PRKG1: variants seen among roughly 807,000 people sequenced by gnomAD.
PRKG1 encodes cGMP-dependent protein kinase 1.
A neutral mutation model predicts 88.1 loss-of-function variants in PRKG1; 35 were observed. The ratio of observed to expected loss-of-function variants is 0.40; its 90% confidence interval spans 0.30 to 0.53. The LOEUF (loss-of-function observed/expected upper bound fraction) is 0.53. Ranked by LOEUF, PRKG1 falls within the 20% of genes least tolerant of loss-of-function variation. The probability of loss-of-function intolerance (pLI) is 0.59; values close to 1 mark genes in which losing one functional copy is unlikely to be tolerated. For synonymous variants in PRKG1, 303 were observed against 292.5 expected, an observed-to-expected ratio of 1.04 and a Z score of -0.37; for missense variants, 540 against 839.8, an observed-to-expected ratio of 0.64 and a Z score of 4.41.
chr10:51,647,127 G>C (rs1027419416), intron 3 of PRKG1, among the ~76,000 whole-genome samples: 2 of 147,172 alleles, frequency 1.4e-5, no homozygotes, highest in Non-Finnish European at 3.0e-5. Flanking sequence ...TTGTTGGAGA[G>C]CCAGTGAGTT....
rs114292625 is a variant in PRKG1, at chr10:51,090,478, T to C, written c.311+15577T>C. Among the ~76,000 whole-genome samples, 335 of 152,242 alleles carry C rather than the reference T, an allele frequency of 2.2e-3. 1 individual carries two copies. Among genetic ancestry groups the C allele is most frequent in the African/African-American group, 7.6e-3 (315 of 41,538 alleles). The stretch of plus-strand genomic sequence containing the variant: ...CATAGGCAAGTGTGAAGTTCCATAA[T>C]AATGTTATTTATTTTATTCAATGAG... On this transcript the variant is annotated intron_variant, in intron 1 of 17. Coordinates refer to ENST00000373980, the MANE Select transcript of PRKG1 (RefSeq NM_006258.4).
At chr10:52,177,581 A>G (rs1838899325) in intron 9 of PRKG1, among the ~76,000 whole-genome samples, 1 of 152,084 alleles carries the variant, frequency 6.6e-6, no homozygotes, top group African/African-American at 2.4e-5. Flanking sequence ...AATTGATAAT[A>G]AATCTTTAAA....
intron 3 of PRKG1, among the ~76,000 whole-genome samples, chr10:51,562,913 T>G (rs1436551418): frequency 6.6e-6 from 1 of 151,710 alleles, no homozygotes. Flanking sequence ...AGACTACAGG[T>G]GCATGCCACC....
In PRKG1 at chr10:51,370,512, ATG is replaced by A. The variant is rs34743767; in HGVS notation, c.479-97191_479-97190del. On this transcript the variant is annotated intron_variant, in intron 2 of 17. Transcript: ENST00000373980. ...AGAGAGAGAGTGTGTGTGTGTGTGT[ATG>A]TGTGTGTGTGTGTGTGTGTAAGGAA... Among the ~76,000 whole-genome samples the A allele has an allele frequency of 3.5e-4, 52 of 146,832 alleles. No homozygotes were observed. In the South Asian group the frequency reaches 3.7e-3, roughly 10 times the overall value.
At chr10:52,059,973 C>T (rs750186222) in intron 6 of PRKG1, among the ~76,000 whole-genome samples, 3 of 151,776 alleles carry the variant, frequency 2.0e-5, no homozygotes, top group South Asian at 4.1e-4. Context: ...AAAACACCAA[C>T]ATGGCAGAAC....
chr10:51,233,589 T>C (rs1838904979), intron 2 of PRKG1, among the ~76,000 whole-genome samples: 1 of 152,158 alleles, frequency 6.6e-6, no homozygotes, highest in Non-Finnish European at 1.5e-5. Flanking sequence ...CTCAAAAAGG[T>C]TTAATTTCAT....
At chr10:51,872,864 C>A (rs1335721269) in intron 4 of PRKG1, among the ~76,000 whole-genome samples, 1 of 151,784 alleles carries the variant, frequency 6.6e-6, no homozygotes, top group African/African-American at 2.4e-5. Flanking sequence ...TCATAGGGTA[C>A]CTATTTTCTT....
chr10:51,553,023 T>G (rs1837180957), intron 3 of PRKG1, among the ~76,000 whole-genome samples: 1 of 151,664 alleles, frequency 6.6e-6, no homozygotes, highest in African/African-American at 2.4e-5. Context: ...TTAATTTAAG[T>G]GCTTTTTAAA....
At chr10:51,702,988 C>G (rs1841506786) in intron 3 of PRKG1, among the ~76,000 whole-genome samples, 1 of 152,148 alleles carries the variant, frequency 6.6e-6, no homozygotes, top group Admixed American at 6.5e-5. Flanking sequence ...AGCCATTGCA[C>G]CTGGCCTCAG....
intron 9 of PRKG1, among the ~76,000 whole-genome samples, chr10:52,165,049 T>C (rs1315569866): frequency 1.3e-5 from 2 of 152,192 alleles, no homozygotes; most frequent in African/African-American, 4.8e-5. Context: ...GGTAATTGCT[T>C]GATGAAAAAG....
intron 4 of PRKG1, among the ~76,000 whole-genome samples, chr10:51,887,331 A>G (rs1333436642): frequency 2.6e-5 from 4 of 152,042 alleles, no homozygotes; most frequent in Admixed American, 2.0e-4. Flanking sequence ...TGACATTTAG[A>G]TTGTTTCCAT....
In PRKG1 at chr10:52,001,684, AT is replaced by A. The variant is rs1193377273; in HGVS notation, c.763-52798del. ...AGCAAAAGTAAATACTTAAAAATGT[AT>A]TGAAACAAAAATAGAAGTAAAAGGA... On this transcript the variant is annotated intron_variant, in intron 5 of 17. Coordinates refer to ENST00000373980, the MANE Select transcript of PRKG1 (RefSeq NM_006258.4). 8.5e-5 allele frequency among the ~76,000 whole-genome samples: 13 copies of A among 152,144 alleles called. No individual in the cohort carries two copies. The East Asian group carries it at 2.5e-3, about 29-fold the overall frequency.
At chr10:51,987,615 G>C (rs1844196584) in intron 5 of PRKG1, among the ~76,000 whole-genome samples, 1 of 152,040 alleles carries the variant, frequency 6.6e-6, no homozygotes. Flanking sequence ...GTTTCACACT[G>C]TAAAAAAATG....
intron 2 of PRKG1, among the ~76,000 whole-genome samples, chr10:51,206,428 G>T (rs1007355158): frequency 6.6e-6 from 1 of 151,472 alleles, no homozygotes; most frequent in African/African-American, 2.4e-5. Context: ...GGAGGCGGAG[G>T]ATGTAGTGAG....
chr10:51,306,358 C>T (rs1841037588), intron 2 of PRKG1, among the ~76,000 whole-genome samples: 2 of 152,142 alleles, frequency 1.3e-5, no homozygotes, highest in African/African-American at 4.8e-5. Flanking sequence ...GCTTGAAAAT[C>T]ACCTATTTGA....
At position 51,299,803 on chromosome 10, in the gene PRKG1, A is replaced by G. The variant is rs545923856; in HGVS notation, c.478+146473A>G. ...ACTGCTCTGCAATAATAGAAATTCA[A>G]TAAAGGACTCTTTAATTTACAATTA... On this transcript the variant is annotated intron_variant, in intron 2 of 17. Coordinates refer to ENST00000373980, the MANE Select transcript of PRKG1 (RefSeq NM_006258.4). The G allele has an allele frequency of 5.2e-4, 165 of 319,116 alleles. 7 individuals carry two copies. The highest frequency in any genetic ancestry group is 3.7e-3 in the South Asian group (161 of 43,428). 19.8% of individuals were successfully genotyped at this position (319,116 alleles called of 1,614,324 possible).
At chr10:51,423,874 G>C (rs1838491919) in intron 2 of PRKG1, among the ~76,000 whole-genome samples, 1 of 151,976 alleles carries the variant, frequency 6.6e-6, no homozygotes, top group African/African-American at 2.4e-5. Context: ...GTTTTACTTA[G>C]GGTAAAAATA....
At position 50,991,759 on chromosome 10, in the gene PRKG1, G is replaced by A. The variant is rs1564564331; in HGVS notation, c.266+115G>A. On this transcript the variant is annotated intron_variant, in intron 1 of 17. Coordinates refer to the PRKG1 transcript ENST00000401604. This position sits in a 1 kb window ranked among gnomAD's most constrained non-coding sequence, Gnocchi z 4.5. ...CCCAGGGCGCCCCCTGCTCGCTGCG[G>A]CGCGCGGAGTGGGGGTGGCCCCGCG... 1.2e-6 allele frequency: 1 copy of A among 820,132 alleles called. No homozygotes were observed. Among genetic ancestry groups the A allele is most frequent in the Non-Finnish European group, 1.5e-6 (1 of 668,848 alleles). The allele number at this position is 820,132 out of a possible 1,614,324, so 50.8% of individuals were successfully genotyped here.
At chr10:52,060,738 T>G (rs181473816) in intron 6 of PRKG1, among the ~76,000 whole-genome samples, 193 of 152,036 alleles carry the variant, frequency 1.3e-3, no homozygotes, top group Non-Finnish European at 2.2e-3. Context: ...AGTGAGTTAA[T>G]ACCTAGTAAA....
Sources: allele counts gnomAD v4.1 joint callset (sites outside exome capture counted in the v4.1 genomes callset), GRCh38; gene constraint gnomAD v4.1.1; non-coding constraint Gnocchi (gnomAD v3.1); transcripts MANE v1.5; gene names NCBI Gene and HGNC (gene_info 2026-07-23, HGNC 2026-07-21).